The following GMDS variants were observed in gnomAD, a reference collection of about 807,000 sequenced individuals.
GMDS encodes GDP-mannose 4,6-dehydratase.
In GMDS, 20 loss-of-function variants were observed where a neutral mutation model predicts 49.9. The observed-to-expected ratio is 0.40, with a 90% CI of 0.28 to 0.58. GMDS has a LOEUF of 0.58. Ranked by LOEUF, GMDS falls within the 20% of genes least tolerant of loss-of-function variation. GMDS has a pLI of 0.42. For synonymous variants in GMDS, 177 were observed against 178.6 expected (o/e 0.99, Z 0.07); for missense variants, 362 against 481.4 (o/e 0.75, Z 2.32).
intron 7 of GMDS, among the ~76,000 whole-genome samples, chr6:1,853,520 A>G (rs1418116601): frequency 1.4e-5 from 2 of 147,330 alleles, no homozygotes; most frequent in Non-Finnish European, 3.0e-5. Flanking sequence ...TCCGTCTCAA[A>G]AAAAAAAAAA....
chr6:1,982,066 A>G (rs1765249967), intron 4 of GMDS, among the ~76,000 whole-genome samples: 1 of 152,168 alleles, frequency 6.6e-6, no homozygotes, highest in African/African-American at 2.4e-5. Flanking sequence ...GCACTTTGGG[A>G]GGCTGAGGCG....
At chr6:1,902,910 A>G (rs114254288) in intron 7 of GMDS, among the ~76,000 whole-genome samples, 2,674 of 152,298 alleles carry the variant, frequency 0.018, 80 homozygotes, top group African/African-American at 0.061. Context: ...TCTTCTGGGG[A>G]AAGTTGAATT....
At chr6:2,049,102 T>C (rs1016056355) in intron 4 of GMDS, among the ~76,000 whole-genome samples, 1 of 152,210 alleles carries the variant, frequency 6.6e-6, no homozygotes, top group Non-Finnish European at 1.5e-5. Flanking sequence ...TTTGCCTTGA[T>C]CTTGTGACTT....
intron 4 of GMDS, among the ~76,000 whole-genome samples, chr6:1,996,090 TCTC>T (rs756392168): frequency 6.6e-6 from 1 of 151,922 alleles, no homozygotes; most frequent in East Asian, 1.9e-4. Context: ...CTTTTCTTCT[TCTC>T]CTTCTTCCTT....
chr6:2,063,743 C>G (rs1439941727), intron 4 of GMDS, among the ~76,000 whole-genome samples: 1 of 152,166 alleles, frequency 6.6e-6, no homozygotes, highest in Non-Finnish European at 1.5e-5. Flanking sequence ...AAGGTCTCGG[C>G]AGCCCTAAAT....
At chr6:2,075,827 G>A (rs1006646574) in intron 4 of GMDS, among the ~76,000 whole-genome samples, 7 of 152,176 alleles carry the variant, frequency 4.6e-5, no homozygotes, top group African/African-American at 1.2e-4. Context: ...CTGAGGGATC[G>A]CCACACTGAC....
intron 3 of GMDS, 82 bp downstream of exon 3, chr6:2,117,387 C>T (rs1774901375): frequency 3.6e-6 from 3 of 825,530 alleles, no homozygotes; most frequent in Non-Finnish European, 6.3e-6. Flanking sequence ...ACAAAAATGA[C>T]ATTTGAAAAC....
chr6:1,761,620 T>C (rs1381582454), intron 7 of GMDS, among the ~76,000 whole-genome samples: 2 of 152,228 alleles, frequency 1.3e-5, no homozygotes, highest in African/African-American at 2.4e-5. Flanking sequence ...AATGTCTTCA[T>C]TGTTTGCCTG....
intron 1 of GMDS, among the ~76,000 whole-genome samples, chr6:2,222,768 T>G (rs9392374): frequency 0.13 from 19,015 of 152,070 alleles, 1,262 homozygotes; most frequent in Middle Eastern, 0.23. Flanking sequence ...ACGAGCAACA[T>G]TGAGAAAGAC....
intron 1 of GMDS, among the ~76,000 whole-genome samples, chr6:2,151,695 T>G (rs989635405): frequency 6.6e-6 from 1 of 152,138 alleles, no homozygotes; most frequent in African/African-American, 2.4e-5. Flanking sequence ...TTTATGCACC[T>G]TAATATTAAT....
At chr6:1,770,372 G>A (rs542674534) in intron 7 of GMDS, among the ~76,000 whole-genome samples, 49 of 152,350 alleles carry the variant, frequency 3.2e-4, no homozygotes, top group African/African-American at 8.2e-4. Context: ...TGAAGACCAC[G>A]CGTAAGGCAC....
chr6:2,111,817 T>A (rs1289827106), intron 4 of GMDS, among the ~76,000 whole-genome samples: 1 of 152,242 alleles, frequency 6.6e-6, no homozygotes, highest in Non-Finnish European at 1.5e-5. Context: ...ATACAATAAA[T>A]TCTACAAAGC....
At chr6:1,628,120 T>C (rs966737060) in intron 9 of GMDS, among the ~76,000 whole-genome samples, 2 of 152,332 alleles carry the variant, frequency 1.3e-5, no homozygotes, top group East Asian at 1.9e-4. Context: ...GAGGAGGGCA[T>C]GTTTGGCTGC....
intron 4 of GMDS, among the ~76,000 whole-genome samples, chr6:1,986,164 C>T (rs2127354389): frequency 6.6e-6 from 1 of 152,294 alleles, no homozygotes; most frequent in Middle Eastern, 3.4e-3. Context: ...CACAGGTAAT[C>T]TGTAAACGTG....
intron 7 of GMDS, among the ~76,000 whole-genome samples, chr6:1,850,548 C>T (rs1181790340): frequency 6.6e-6 from 1 of 152,070 alleles, no homozygotes; most frequent in Non-Finnish European, 1.5e-5. Context: ...AACTCCTCAG[C>T]TATTTCCTCA....
At chr6:2,027,700 T>C (rs1166550193) in intron 4 of GMDS, among the ~76,000 whole-genome samples, 1 of 151,988 alleles carries the variant, frequency 6.6e-6, no homozygotes, top group South Asian at 2.1e-4. Context: ...ACAGGGTAAA[T>C]AGCATGTAAT....
At chr6:1,918,611 T>C (rs549139659) in intron 7 of GMDS, among the ~76,000 whole-genome samples, 9 of 152,008 alleles carry the variant, frequency 5.9e-5, no homozygotes, top group Non-Finnish European at 1.0e-4. Flanking sequence ...CAGCCGGGCA[T>C]GGTGGTACAT....
chr6:2,141,576 G>A (rs993459404), intron 1 of GMDS, among the ~76,000 whole-genome samples: 3 of 152,170 alleles, frequency 2.0e-5, no homozygotes, highest in African/African-American at 7.2e-5. Context: ...CGCTGACGGA[G>A]AGTTGGAAAC....
intron 4 of GMDS, among the ~76,000 whole-genome samples, chr6:2,000,551 T>C (rs528890687): frequency 5.3e-5 from 8 of 152,356 alleles, no homozygotes; most frequent in South Asian, 2.1e-4. Context: ...AAGCTACCTC[T>C]TTCGATTAGC....
Sources: allele counts gnomAD v4.1 joint callset (sites outside exome capture counted in the v4.1 genomes callset), GRCh38; gene constraint gnomAD v4.1.1; transcripts MANE v1.5; gene names NCBI Gene and HGNC (gene_info 2026-07-23, HGNC 2026-07-21).